Variants in AFG1L observed in about 807,000 individuals in gnomAD.
AFG1L encodes AFG1 like ATPase.
AFG1L carries 53 observed loss-of-function variants against 62.2 expected under a neutral mutation model. The observed-to-expected ratio is 0.85, with a 90% CI of 0.68 to 1.07. AFG1L has a LOEUF of 1.07. Among genes scored for constraint, AFG1L ranks in the 50% least tolerant of loss-of-function variants. The probability of loss-of-function intolerance (pLI) is 0.00; values close to 1 mark genes in which losing one functional copy is unlikely to be tolerated. For synonymous variants in AFG1L, 228 were observed against 210.3 expected (o/e 1.08, Z -0.73); for missense variants, 555 against 590.5 (o/e 0.94, Z 0.62).
chr6:108,445,391 C>T (rs1363475544), intron 7 of AFG1L, among the ~76,000 whole-genome samples: 1 of 152,078 alleles, frequency 6.6e-6, no homozygotes, highest in Non-Finnish European at 1.5e-5. Context: ...CTTTTCATTT[C>T]CTTCAAGAAC....
chr6:108,446,100 A>C (rs1035661501), intron 7 of AFG1L, among the ~76,000 whole-genome samples: 1 of 122,404 alleles, frequency 8.2e-6, no homozygotes, highest in Admixed American at 8.2e-5. Flanking sequence ...ACACACACAC[A>C]CACCCCTACA....
intron 10 of AFG1L, among the ~76,000 whole-genome samples, chr6:108,509,739 C>T (rs1458181558): frequency 1.3e-5 from 2 of 152,016 alleles, no homozygotes; most frequent in Admixed American, 1.3e-4. Flanking sequence ...TCTGAAAACA[C>T]TGCCCTTGGT....
At position 108,459,897 on chromosome 6, in the gene AFG1L, T is replaced by C. The variant is rs572296271; in HGVS notation, c.890+12601T>C. Reference sequence around the variant, plus strand: ...CATCCATCAAAATGTAGACTGTAGATTTTTTAAATGACATAAATCAATTGC... The same window carrying C: ...CATCCATCAAAATGTAGACTGTAGACTTTTTAAATGACATAAATCAATTGC... On this transcript the variant is annotated intron_variant, in intron 8 of 12. Coordinates refer to ENST00000368977, the MANE Select transcript of AFG1L (RefSeq NM_145315.5). 7.2e-5 allele frequency among the ~76,000 whole-genome samples: 11 copies of C among 152,340 alleles called. No individual in the cohort carries two copies. In the South Asian group the frequency reaches 2.3e-3, roughly 32 times the overall value.
intron 3 of AFG1L, among the ~76,000 whole-genome samples, chr6:108,349,271 C>T (rs1284211957): frequency 1.3e-5 from 2 of 151,208 alleles, no homozygotes; most frequent in Non-Finnish European, 3.0e-5. Flanking sequence ...ATTGCCTAAG[C>T]CCAGGAGTTC....
At chr6:108,457,602 T>G (rs1167936653) in intron 8 of AFG1L, among the ~76,000 whole-genome samples, 1 of 152,042 alleles carries the variant, frequency 6.6e-6, no homozygotes, top group Non-Finnish European at 1.5e-5. Flanking sequence ...TCATTACTTT[T>G]GCTTAAACAG....
chr6:108,330,179 TTTA>T (rs1582384797), intron 2 of AFG1L, among the ~76,000 whole-genome samples: 2 of 80,910 alleles, frequency 2.5e-5, no homozygotes, highest in Non-Finnish European at 7.5e-5. Context: ...AAATTCCTTT[TTTA>T]TTTTTTTTTT....
chr6:108,461,793 A>T (rs1332597404), intron 8 of AFG1L, among the ~76,000 whole-genome samples: 10 of 151,290 alleles, frequency 6.6e-5, no homozygotes. Flanking sequence ...TTTTATGTCT[A>T]TTGAAAATCA....
At chr6:108,458,626 A>G (rs933163403) in intron 8 of AFG1L, among the ~76,000 whole-genome samples, 2 of 151,732 alleles carry the variant, frequency 1.3e-5, no homozygotes, top group Non-Finnish European at 2.9e-5. Flanking sequence ...TTTCTTTTTT[A>G]TATCTTCTTT....
chr6:108,314,531 C>T (rs568739570), intron 1 of AFG1L, among the ~76,000 whole-genome samples: 10 of 151,852 alleles, frequency 6.6e-5, no homozygotes, highest in African/African-American at 2.4e-4. Context: ...CTGGTAGCTG[C>T]GACTACAGGC....
At chr6:108,369,951 T>G (rs1374233618) in intron 6 of AFG1L, among the ~76,000 whole-genome samples, 2 of 147,750 alleles carry the variant, frequency 1.4e-5, no homozygotes. Flanking sequence ...TGGCTGGCTA[T>G]CTATCTATCT....
chr6:108,513,018 AT>A (rs1774717465), intron 11 of AFG1L, among the ~76,000 whole-genome samples: 1 of 152,210 alleles, frequency 6.6e-6, no homozygotes, highest in South Asian at 2.1e-4. Context: ...ATGTCAACAC[AT>A]GATTTTTAAG....
At chr6:108,335,971 A>G (rs1301253025) in intron 2 of AFG1L, among the ~76,000 whole-genome samples, 2 of 152,216 alleles carry the variant, frequency 1.3e-5, no homozygotes, top group Non-Finnish European at 2.9e-5. Context: ...AAATAGGCTT[A>G]ATTATGCTAG....
At chr6:108,491,730 C>G (rs890682386) in intron 10 of AFG1L, among the ~76,000 whole-genome samples, 1 of 152,090 alleles carries the variant, frequency 6.6e-6, no homozygotes, top group African/African-American at 2.4e-5. Flanking sequence ...AGGGCTTGGC[C>G]CTTTATTCCA....
At chr6:108,497,422 AT>A (rs891860163) in intron 10 of AFG1L, among the ~76,000 whole-genome samples, 4 of 151,024 alleles carry the variant, frequency 2.6e-5, no homozygotes, top group African/African-American at 7.3e-5. Context: ...TTCTATATTC[AT>A]TTTTTTTCTG....
At chr6:108,433,387 C>G (rs895048608) in intron 7 of AFG1L, among the ~76,000 whole-genome samples, 2 of 151,460 alleles carry the variant, frequency 1.3e-5, no homozygotes, top group Non-Finnish European at 2.9e-5. Flanking sequence ...TCAGCCAATT[C>G]TCCTGCCTCA....
At chr6:108,307,508 C>T (rs1777248870) in intron 1 of AFG1L, among the ~76,000 whole-genome samples, 1 of 150,578 alleles carries the variant, frequency 6.6e-6, no homozygotes, top group Non-Finnish European at 1.5e-5. Flanking sequence ...CCTCCCAGGT[C>T]CAAGTAATCC....
intron 8 of AFG1L, among the ~76,000 whole-genome samples, chr6:108,466,211 A>G (rs1772659529): frequency 6.6e-6 from 1 of 152,228 alleles, no homozygotes; most frequent in Non-Finnish European, 1.5e-5. Flanking sequence ...TGGTGGGAGT[A>G]TAAATTGCTA....
chr6:108,366,521 A>G (rs987446439), intron 6 of AFG1L, among the ~76,000 whole-genome samples, 189 bp downstream of exon 6: 1 of 151,242 alleles, frequency 6.6e-6, no homozygotes, highest in African/African-American at 2.4e-5. Context: ...ATCCTTAGCA[A>G]GCTAAATCCA....
chr6:108,451,938 C>T (rs1466731767), intron 8 of AFG1L, among the ~76,000 whole-genome samples: 3 of 152,102 alleles, frequency 2.0e-5, no homozygotes, highest in Non-Finnish European at 4.4e-5. Context: ...TGGTCTTGAA[C>T]TCCTGACCTT....
Sources: allele counts gnomAD v4.1 joint callset (sites outside exome capture counted in the v4.1 genomes callset), GRCh38; gene constraint gnomAD v4.1.1; transcripts MANE v1.5; gene names NCBI Gene and HGNC (gene_info 2026-07-23, HGNC 2026-07-21).